The following NPHP1 variants were observed in gnomAD, a reference collection of about 807,000 sequenced individuals.
NPHP1 encodes nephrocystin-1.
Under a neutral mutation model 90.4 loss-of-function variants are expected in NPHP1, and 70 were observed. That is an observed-to-expected ratio of 0.77 (90% CI 0.64 to 0.95). NPHP1 has a LOEUF of 0.95. NPHP1 is among the 40% of genes least tolerant of loss of function. The probability of loss-of-function intolerance (pLI) is 0.00; values close to 1 mark genes in which losing one functional copy is unlikely to be tolerated. For synonymous variants in NPHP1, 256 were observed against 271.7 expected (o/e 0.94, Z 0.57); for missense variants, 764 against 795.9 (o/e 0.96, Z 0.48).
chr2:110,170,010 G>A lies in NPHP1; in HGVS notation c.330-12C>T. On this transcript the variant is annotated splice_polypyrimidine_tract_variant and intron_variant, in intron 4 of 19. Transcript: ENST00000445609. ...TAGGTGCCCCAACTCTACAAAAAGT[G>A]TTTCTGAGTAGGACTACTTGAAATA... 6.2e-7 allele frequency: 1 copy of A among 1,613,068 alleles called. No individual in the cohort carries two copies. Among genetic ancestry groups the A allele is most frequent in the Non-Finnish European group, 8.5e-7 (1 of 1,179,368 alleles).
Position 110,191,775 on chromosome 2 carries a change from A to G in NPHP1, c.143+9646T>C, listed in dbSNP as rs974316640. 4.6e-5 allele frequency among the ~76,000 whole-genome samples: 7 copies of G among 152,260 alleles called. No individual in the cohort carries two copies. In the East Asian group the frequency reaches 5.8e-4, roughly 13 times the overall value. Reference sequence around the variant, plus strand: ...CACCCCCCAGTAGGGGCAGACTGACACCTCATACAGCCGGGTACTCCTCTG... The same window carrying G: ...CACCCCCCAGTAGGGGCAGACTGACGCCTCATACAGCCGGGTACTCCTCTG... On this transcript the variant is annotated intron_variant, in intron 2 of 19. Transcript: ENST00000445609.
chr2:110,129,275 A>G lies in NPHP1; in HGVS notation c.1643-16T>C. On this transcript the variant is annotated splice_polypyrimidine_tract_variant and intron_variant, in intron 17 of 19. Transcript: ENST00000445609. ...CTAATTAAATCTGAAATGCAAAACA[A>G]CAGAAAGAATTTTATGCAAACTTCA... 1 of 1,600,766 alleles carries G rather than the reference A, an allele frequency of 6.2e-7. No individual in the cohort carries two copies. The highest frequency in any genetic ancestry group is 8.6e-7 in the Non-Finnish European group (1 of 1,168,210).
rs1184668159 is a variant in NPHP1 at position 110,200,679 on chromosome 2, T to C, written c.143+742A>G. On this transcript the variant is annotated intron_variant, in intron 2 of 19. Coordinates refer to ENST00000445609, the MANE Select transcript of NPHP1 (RefSeq NM_001128178.3). ...AATCTTACTCTGTTTTTAAATCTAG[T>C]AAAGCAAGAACAATAACCTTTGCTT... Among the ~76,000 whole-genome samples, 10 of 152,202 alleles carry C rather than the reference T, an allele frequency of 6.6e-5. No homozygotes were observed. In the East Asian group the frequency reaches 1.9e-3, roughly 29 times the overall value.
chr2:110,126,033 A>G (rs1679338189), intron 18 of NPHP1: 1 of 313,792 alleles, frequency 3.2e-6, no homozygotes, highest in Admixed American at 4.6e-5. Context: ...TAATGAAAAT[A>G]GAAAACACTG....
In NPHP1 at chr2:110,196,705, A is replaced by G. The variant is rs549014568; in HGVS notation, c.143+4716T>C. 1.6e-4 allele frequency among the ~76,000 whole-genome samples: 24 copies of G among 152,260 alleles called. 1 individual carries two copies. The South Asian group carries it at 3.7e-3, about 24-fold the overall frequency. ...TGCTGCTATAAAGACCCATGCACAC[A>G]TATGTTTATTGTGGCACTATTCACA... On this transcript the variant is annotated intron_variant, in intron 2 of 19. Coordinates refer to ENST00000445609, the MANE Select transcript of NPHP1 (RefSeq NM_001128178.3).
At chr2:110,131,101 T>C (rs1367802275) in intron 17 of NPHP1, among the ~76,000 whole-genome samples, 2 of 152,206 alleles carry the variant, frequency 1.3e-5, no homozygotes, top group Admixed American at 1.3e-4. Context: ...GCAATTACTA[T>C]AACACATGCA....
At chr2:110,150,835 C>T (rs1440730117) in intron 11 of NPHP1, among the ~76,000 whole-genome samples, 2 of 150,466 alleles carry the variant, frequency 1.3e-5, no homozygotes, top group Admixed American at 6.6e-5. Flanking sequence ...CAGGTGTGAG[C>T]CATTGCACCC....
At chr2:110,145,570 A>T (rs1680981708) in intron 14 of NPHP1, among the ~76,000 whole-genome samples, 1 of 152,118 alleles carries the variant, frequency 6.6e-6, no homozygotes, top group Non-Finnish European at 1.5e-5. Flanking sequence ...GATTACAGGC[A>T]TTGTGAGCCA....
At chr2:110,160,064 G>C in intron 11 of NPHP1, 63 bp downstream of exon 11, 3 of 1,550,056 alleles carry the variant, frequency 1.9e-6, no homozygotes, top group Non-Finnish European at 2.7e-6. Flanking sequence ...GAATGGAAAA[G>C]AATCTAAGGG....
At chr2:110,148,239 G>GT (rs1559061075) in intron 12 of NPHP1, among the ~76,000 whole-genome samples, 1 of 151,928 alleles carries the variant, frequency 6.6e-6, no homozygotes, top group Non-Finnish European at 1.5e-5. Flanking sequence ...CAGGAGATCA[G>GT]TTTTTTTAAA....
chr2:110,137,892 A>T (rs1428553826), intron 16 of NPHP1, among the ~76,000 whole-genome samples: 1 of 151,054 alleles, frequency 6.6e-6, no homozygotes, highest in Non-Finnish European at 1.5e-5. Context: ...TTATTGCGGC[A>T]CTATTCACAA....
intron 4 of NPHP1, among the ~76,000 whole-genome samples, chr2:110,170,668 T>C (rs1683062019): frequency 6.6e-6 from 1 of 151,982 alleles, no homozygotes; most frequent in Non-Finnish European, 1.5e-5. Flanking sequence ...TATAAAATAG[T>C]GCAATAGGTA....
chr2:110,168,240 C>G (rs549459303), intron 6 of NPHP1, among the ~76,000 whole-genome samples: 1 of 152,168 alleles, frequency 6.6e-6, no homozygotes, highest in Non-Finnish European at 1.5e-5. Context: ...TGTGAGATCA[C>G]GTTCCAGGGC....
At chr2:110,125,177 A>G in intron 19 of NPHP1, 1 of 1,529,880 alleles carries the variant, frequency 6.5e-7, no homozygotes, top group Non-Finnish European at 8.7e-7. Flanking sequence ...GAGCAGTCAA[A>G]CCACGACTCA....
chr2:110,204,050 ATAAG>A (rs201001371), intron 1 of NPHP1, among the ~76,000 whole-genome samples: 1,619 of 152,328 alleles, frequency 0.011, 22 homozygotes, highest in Middle Eastern at 0.027. Flanking sequence ...TGTATATTAT[ATAAG>A]TAACAATGTG....
Position 110,125,931 on chromosome 2 carries a change from A to G in NPHP1, c.1717-250T>C, listed in dbSNP as rs1419508166. ...ATTATAAATCAAAACTAACTTAAGA[A>G]TAGAATCAGCGAAACACTAACACAT... On this transcript the variant is annotated intron_variant, in intron 18 of 19. Coordinates refer to ENST00000445609, the MANE Select transcript of NPHP1 (RefSeq NM_001128178.3). The G allele has an allele frequency of 4.3e-5, 23 of 530,164 alleles. No individual in the cohort carries two copies. In the East Asian group the frequency reaches 7.6e-4, roughly 17 times the overall value. 32.8% of individuals were successfully genotyped at this position (530,164 alleles called of 1,614,324 possible). A position where few individuals can be genotyped will look rare whatever the true frequency, so the allele number is the denominator to read the frequency against.
chr2:110,168,286 C>T (rs1422662355), intron 6 of NPHP1, among the ~76,000 whole-genome samples, 166 bp downstream of exon 6: 1 of 152,138 alleles, frequency 6.6e-6, no homozygotes, highest in Admixed American at 6.5e-5. Context: ...GTCCCCAGGA[C>T]CATTAATACA....
intron 1 of NPHP1, among the ~76,000 whole-genome samples, chr2:110,201,708 T>C (rs1685590487): frequency 6.6e-6 from 1 of 152,162 alleles, no homozygotes; most frequent in African/African-American, 2.4e-5. Flanking sequence ...ACCTTATGCC[T>C]TTCAAAGTAA....
intron 16 of NPHP1, among the ~76,000 whole-genome samples, chr2:110,140,597 G>A (rs1680548781): frequency 6.6e-6 from 1 of 152,096 alleles, no homozygotes; most frequent in Non-Finnish European, 1.5e-5. Flanking sequence ...ACACATGGGA[G>A]TGCTTCCGGA....
Sources: allele counts gnomAD v4.1 joint callset (sites outside exome capture counted in the v4.1 genomes callset), GRCh38; gene constraint gnomAD v4.1.1; transcripts MANE v1.5; gene names NCBI Gene and HGNC (gene_info 2026-07-23, HGNC 2026-07-21).